RUNX2: variants seen among roughly 807,000 people sequenced by gnomAD.
The protein encoded by RUNX2 is RUNX family transcription factor 2.
RUNX2 carries 10 observed loss-of-function variants against 51.7 expected under a neutral mutation model. The observed-to-expected ratio is 0.19, with a 90% confidence interval of 0.12 to 0.33. The LOEUF is 0.33. Ranked by LOEUF, RUNX2 falls within the 10% of genes least tolerant of loss-of-function variation. RUNX2 has a pLI of 1.00. For synonymous variants in RUNX2, 276 were observed against 273.6 expected, an observed-to-expected ratio of 1.01 and a Z score of -0.09; for missense variants, 562 against 691.3, an observed-to-expected ratio of 0.81 and a Z score of 2.10.
At chr6:45,457,953 C>T (rs1799362406) in intron 5 of RUNX2, among the ~76,000 whole-genome samples, 1 of 151,422 alleles carries the variant, frequency 6.6e-6, no homozygotes, top group African/African-American at 2.4e-5. Context: ...GAAGGTTTAA[C>T]AGGCAATGAA....
chr6:45,328,402 TG>T lies in RUNX2; in HGVS notation c.-123del, dbSNP rs1397673848. On this transcript the variant is annotated 5_prime_UTR_variant, in exon 1 of 9. Transcript: ENST00000647337. ...CTCCAGGAGGACAGCAAGAAGTCTC[TG>T]GTTTTTAAATGGTTAATCTCCGCAG... 7.1e-7 allele frequency: 1 copy of T among 1,415,852 alleles called. No individual in the cohort carries two copies. The highest frequency in any genetic ancestry group is 1.9e-5 in the Admixed American group (1 of 53,770). The allele number at this position is 1,415,852 out of a possible 1,614,324, so 87.7% of individuals were successfully genotyped here.
chr6:45,546,557 T>C (rs1412164719), intron 8 of RUNX2, among the ~76,000 whole-genome samples: 3 of 152,068 alleles, frequency 2.0e-5, no homozygotes, highest in African/African-American at 7.2e-5. Flanking sequence ...GAGTGTTGGG[T>C]TGGTTTACAC....
chr6:45,350,971 G>A (rs953877770), intron 2 of RUNX2, among the ~76,000 whole-genome samples: 2 of 152,016 alleles, frequency 1.3e-5, no homozygotes, highest in Non-Finnish European at 2.9e-5. Flanking sequence ...TAGATTCTCC[G>A]ACCCTATAGT....
intron 3 of RUNX2, among the ~76,000 whole-genome samples, chr6:45,427,425 T>C (rs1271705459): frequency 6.6e-6 from 1 of 152,104 alleles, no homozygotes; most frequent in African/African-American, 2.4e-5. Flanking sequence ...AAATGACATA[T>C]TGTGTTTTTT....
chr6:45,488,365 A>G (rs1800347219), intron 5 of RUNX2, among the ~76,000 whole-genome samples: 1 of 152,204 alleles, frequency 6.6e-6, no homozygotes, highest in Non-Finnish European at 1.5e-5. Context: ...TCTGTTTTGA[A>G]TATACTGCAT....
chr6:45,524,675 A>C (rs1801616827), intron 7 of RUNX2, among the ~76,000 whole-genome samples: 1 of 152,250 alleles, frequency 6.6e-6, no homozygotes, highest in Non-Finnish European at 1.5e-5. Flanking sequence ...TTTTCTAAAT[A>C]AAAACTACAA....
chr6:45,402,061 T>C (rs981113985), intron 2 of RUNX2, among the ~76,000 whole-genome samples: 2 of 152,244 alleles, frequency 1.3e-5, no homozygotes, highest in African/African-American at 2.4e-5. Flanking sequence ...AGGAAAGTGT[T>C]GGTTAATTAT....
chr6:45,374,880 A>G (rs144290356), intron 2 of RUNX2, among the ~76,000 whole-genome samples: 97 of 152,350 alleles, frequency 6.4e-4, no homozygotes, highest in Middle Eastern at 3.4e-3. Context: ...TTTATTATTT[A>G]GACACAAAAA....
intron 5 of RUNX2, among the ~76,000 whole-genome samples, chr6:45,467,280 T>C (rs897799156): frequency 1.3e-5 from 2 of 152,174 alleles, no homozygotes; most frequent in African/African-American, 4.8e-5. Flanking sequence ...TATTTATTTA[T>C]TTATTTACTT....
At chr6:45,408,238 G>A (rs1797878344) in intron 2 of RUNX2, among the ~76,000 whole-genome samples, 1 of 151,932 alleles carries the variant, frequency 6.6e-6, no homozygotes, top group South Asian at 2.1e-4. Context: ...TGGAGGCCAG[G>A]AGATTTTTTT....
chr6:45,512,274 G>T lies in RUNX2; in HGVS notation c.888G>T (p.Pro296=). 6.2e-7 allele frequency: 1 copy of T among 1,613,880 alleles called. No homozygotes were observed. The highest frequency in any genetic ancestry group is 8.5e-7 in the Non-Finnish European group (1 of 1,179,980). ...CCAGGCAGGCACAGTCTTCCCCGCC[G>T]TGGTCCTATGACCAGTCTTACCCCT... ...TDPRQAQSSP[P]WSYDQSYPSY... Residue 296 remains proline, a synonymous_variant, in exon 7 of 9, where the codon CCG becomes CCT. Transcript: ENST00000647337.
chr6:45,495,404 C>T (rs368851963), intron 6 of RUNX2, among the ~76,000 whole-genome samples: 3 of 152,344 alleles, frequency 2.0e-5, no homozygotes, highest in South Asian at 4.1e-4. Flanking sequence ...TGGGCAGCAG[C>T]TTAAATCACA....
At chr6:45,493,390 T>C (rs919514675) in intron 6 of RUNX2, among the ~76,000 whole-genome samples, 3 of 152,200 alleles carry the variant, frequency 2.0e-5, no homozygotes, top group Non-Finnish European at 4.4e-5. Flanking sequence ...ACTAGACATA[T>C]GTCCTTGATA....
At chr6:45,464,516 CTCTA>C (rs1329363500) in intron 5 of RUNX2, among the ~76,000 whole-genome samples, 1 of 152,018 alleles carries the variant, frequency 6.6e-6, no homozygotes, top group East Asian at 1.9e-4. Context: ...CATTCTAAAA[CTCTA>C]TCTACAGCGG....
At chr6:45,475,852 C>T (rs1799940767) in intron 5 of RUNX2, among the ~76,000 whole-genome samples, 1 of 152,150 alleles carries the variant, frequency 6.6e-6, no homozygotes. Flanking sequence ...AGCCCTAGGG[C>T]CTGATCTTGA....
At chr6:45,412,355 C>CAAAAAAT (rs1462518499) in intron 2 of RUNX2, among the ~76,000 whole-genome samples, 1 of 150,768 alleles carries the variant, frequency 6.6e-6, no homozygotes, top group Non-Finnish European at 1.5e-5. Flanking sequence ...GACCCTGTCT[C>CAAAAAAT]AAAAAATAAA....
intron 7 of RUNX2, among the ~76,000 whole-genome samples, chr6:45,538,283 T>C (rs1802099037): frequency 1.3e-5 from 2 of 152,198 alleles, no homozygotes; most frequent in South Asian, 4.1e-4. Flanking sequence ...TAAAATAATC[T>C]TAATTGACCA....
intron 2 of RUNX2, among the ~76,000 whole-genome samples, chr6:45,388,205 T>G (rs1335169386): frequency 6.6e-6 from 1 of 152,058 alleles, no homozygotes; most frequent in African/African-American, 2.4e-5. Context: ...AGAGGCAGAT[T>G]GGAAAAAAGA....
At chr6:45,433,375 C>G (rs748653618) in intron 4 of RUNX2, among the ~76,000 whole-genome samples, 1 of 152,252 alleles carries the variant, frequency 6.6e-6, no homozygotes, top group African/African-American at 2.4e-5. Context: ...TTTACTTATG[C>G]AGGTCCACTA....
Sources: gnomAD v4.1 joint callset for allele counts (sites outside exome capture counted in the v4.1 genomes callset) on GRCh38, gnomAD v4.1.1 for gene constraint, MANE v1.5 for transcripts, NCBI Gene and HGNC (gene_info 2026-07-23, HGNC 2026-07-21) for gene names.